The following UMAD1 variants were observed in gnomAD, a reference collection of about 807,000 sequenced individuals.
UMAD1 encodes the protein UBAP1-MVB12-associated (UMA)-domain containing protein 1.
UMAD1 carries 8 observed loss-of-function variants against 6.1 expected under a neutral mutation model. The ratio of observed to expected loss-of-function variants is 1.30; its 90% CI spans 0.76 to 2.35. The LOEUF (loss-of-function observed/expected upper bound fraction) is 2.35, where lower values mean the gene tolerates loss of function less well. UMAD1 is among the 30% of genes most tolerant of loss of function. The pLI is 0.00. For missense variants in UMAD1, 130 were observed against 78.4 expected (o/e 1.66, Z -2.49); for synonymous variants, 56 against 31.4 (o/e 1.78, Z -2.61).
At chr7:7,653,225 A>G (rs1785267633) in intron 1 of UMAD1, among the ~76,000 whole-genome samples, 1 of 152,240 alleles carries the variant, frequency 6.6e-6, no homozygotes, top group African/African-American at 2.4e-5. Context: ...TTACACTCAA[A>G]TCAAAATGGT....
intron 2 of UMAD1, among the ~76,000 whole-genome samples, chr7:7,788,369 A>G (rs1450976694): frequency 1.3e-5 from 2 of 152,200 alleles, no homozygotes; most frequent in East Asian, 1.9e-4. Flanking sequence ...TCCCTTCTCT[A>G]TCATCACATT....
chr7:7,642,133 C>G (rs993715274), intron 1 of UMAD1, among the ~76,000 whole-genome samples: 2 of 151,962 alleles, frequency 1.3e-5, no homozygotes, highest in Admixed American at 6.6e-5. Flanking sequence ...ACATCAATGT[C>G]TTTAATAGCA....
At chr7:7,684,295 G>A (rs575960859) in intron 2 of UMAD1, among the ~76,000 whole-genome samples, 12 of 151,614 alleles carry the variant, frequency 7.9e-5, no homozygotes, top group South Asian at 2.1e-4. Flanking sequence ...TCTGCCTCCC[G>A]CGTTCAAGCA....
At chr7:7,661,592 G>C (rs573640788) in intron 1 of UMAD1, among the ~76,000 whole-genome samples, 1 of 152,276 alleles carries the variant, frequency 6.6e-6, no homozygotes, top group Non-Finnish European at 1.5e-5. Context: ...AAGTTTGCTG[G>C]AGGTCCAGTC....
intron 2 of UMAD1, 74 bp from the exon 3 acceptor site, chr7:7,801,596 C>G: frequency 3.0e-6 from 2 of 667,440 alleles, no homozygotes; most frequent in South Asian, 1.7e-5. Flanking sequence ...AAAGATACTT[C>G]AAACAAATAG....
At chr7:7,845,188 A>G (rs992818934) in intron 3 of UMAD1, among the ~76,000 whole-genome samples, 1 of 152,116 alleles carries the variant, frequency 6.6e-6, no homozygotes, top group African/African-American at 2.4e-5. Flanking sequence ...ATAATTTTTT[A>G]TACCAATTAT....
intron 3 of UMAD1, among the ~76,000 whole-genome samples, chr7:7,819,380 G>A (rs2115294064): frequency 6.6e-6 from 1 of 152,238 alleles, no homozygotes; most frequent in East Asian, 1.9e-4. Flanking sequence ...GCTGTATCTG[G>A]TAAGTTGTAG....
intron 3 of UMAD1, among the ~76,000 whole-genome samples, chr7:7,842,640 G>T (rs993874741): frequency 1.3e-5 from 2 of 151,358 alleles, no homozygotes; most frequent in South Asian, 2.1e-4. Flanking sequence ...AACTAATATG[G>T]GTATTTCACT....
At chr7:7,709,607 T>A (rs1407717178) in intron 2 of UMAD1, among the ~76,000 whole-genome samples, 1 of 152,224 alleles carries the variant, frequency 6.6e-6, no homozygotes, top group Non-Finnish European at 1.5e-5. Context: ...AGTCACCTGT[T>A]TGCTCAGAAG....
chr7:7,755,659 A>C (rs2160139), intron 2 of UMAD1, among the ~76,000 whole-genome samples: 1 of 152,246 alleles, frequency 6.6e-6, no homozygotes, highest in Non-Finnish European at 1.5e-5. Flanking sequence ...CAAGTGCATT[A>C]AAAGTCAAGG....
intron 2 of UMAD1, among the ~76,000 whole-genome samples, chr7:7,688,210 A>C (rs1349676797): frequency 6.6e-6 from 1 of 152,140 alleles, no homozygotes; most frequent in Non-Finnish European, 1.5e-5. Context: ...ATTAAGAATT[A>C]CTTTTTTAGA....
At chr7:7,646,251 C>G (rs1027990191) in intron 1 of UMAD1, among the ~76,000 whole-genome samples, 7 of 152,042 alleles carry the variant, frequency 4.6e-5, no homozygotes, top group Non-Finnish European at 8.8e-5. Flanking sequence ...TGAATGTGGG[C>G]ATTTTATTGA....
In UMAD1 at chr7:7,830,582, C is replaced by G. The variant is rs1420273548; in HGVS notation, c.156+28839C>G. 6.6e-6 allele frequency among the ~76,000 whole-genome samples: 1 copy of G among 152,084 alleles called. No homozygotes were observed. Among genetic ancestry groups the G allele is most frequent in the Admixed American group, 6.6e-5 (1 of 15,260 alleles). ...GTGCCCAAAAACTGTGAGCCAACTT[C>G]AAAGTGTGGAAACCACAGTCATACT... On this transcript the variant is annotated intron_variant, in intron 3 of 3. Transcript: ENST00000682710. The surrounding 1 kb of genome is among the most constrained non-coding windows in gnomAD (Gnocchi z 5.3).
At chr7:7,807,739 G>A (rs1177450666) in intron 3 of UMAD1, among the ~76,000 whole-genome samples, 1 of 152,048 alleles carries the variant, frequency 6.6e-6, no homozygotes, top group East Asian at 1.9e-4. Context: ...TAATTTGAGA[G>A]ACTTTGCAGT....
chr7:7,676,163 T>A (rs924157871), intron 2 of UMAD1: 2 of 398,528 alleles, frequency 5.0e-6, no homozygotes, highest in Admixed American at 8.8e-5. Flanking sequence ...GTCAGACCCT[T>A]TGGGTTGGCT....
In UMAD1 at chr7:7,740,314, A is replaced by G. The variant is rs938955650; in HGVS notation, c.83-61356A>G. ...GGATGTATTGTGAGCAATCACGTCT[A>G]TCCTTTGCGATAACCTTAAAAAAAG... On this transcript the variant is annotated intron_variant, in intron 2 of 3. Coordinates refer to ENST00000682710, the MANE Select transcript of UMAD1 (RefSeq NM_001302348.2). Among the ~76,000 whole-genome samples the G allele has an allele frequency of 3.9e-5, 6 of 152,274 alleles. No individual in the cohort carries two copies. The East Asian group carries it at 5.8e-4, about 15-fold the overall frequency.
At chr7:7,738,799 G>A (rs1301203482) in intron 2 of UMAD1, 3 of 152,262 alleles carry the variant, frequency 2.0e-5, no homozygotes, top group Non-Finnish European at 4.4e-5. Context: ...AAGTGCCAGT[G>A]TTTCTTTTAC....
At chr7:7,721,339 A>G (rs1324239329) in intron 2 of UMAD1, among the ~76,000 whole-genome samples, 1 of 152,062 alleles carries the variant, frequency 6.6e-6, no homozygotes, top group African/African-American at 2.4e-5. Context: ...CACATATTCC[A>G]TATGTGTGCA....
At chr7:7,690,053 A>G (rs1583739913) in intron 2 of UMAD1, among the ~76,000 whole-genome samples, 1 of 152,216 alleles carries the variant, frequency 6.6e-6, no homozygotes, top group East Asian at 1.9e-4. Flanking sequence ...GTGATGGGAA[A>G]TAAGCTTGCC....
Sources: gnomAD v4.1 joint callset for allele counts (sites outside exome capture counted in the v4.1 genomes callset) on GRCh38, gnomAD v4.1.1 for gene constraint, Gnocchi (gnomAD v3.1) non-coding constraint, MANE v1.5 for transcripts, NCBI Gene and HGNC (gene_info 2026-07-23, HGNC 2026-07-21) for gene names.